MTA3: variants seen among roughly 807,000 people sequenced by gnomAD.
MTA3 encodes the protein metastasis associated 1 family member 3, also known as metastasis-associated protein MTA3.
MTA3 carries 34 observed loss-of-function variants against 83.5 expected under a neutral mutation model. The observed-to-expected ratio is 0.41, with a 90% CI of 0.31 to 0.54. The LOEUF (loss-of-function observed/expected upper bound fraction) is 0.54, where lower values mean the gene tolerates loss of function less well. Ranked by LOEUF, MTA3 falls within the 20% of genes least tolerant of loss-of-function variation. MTA3 has a pLI of 0.33. For synonymous variants in MTA3, 303 were observed against 252.7 expected, an observed-to-expected ratio of 1.20 and a Z score of -1.89; for missense variants, 761 against 726.4, an observed-to-expected ratio of 1.05 and a Z score of -0.55.
At chr2:42,600,624 C>A (rs1403550062) in intron 3 of MTA3, among the ~76,000 whole-genome samples, 1 of 152,052 alleles carries the variant, frequency 6.6e-6, no homozygotes, top group East Asian at 1.9e-4. Flanking sequence ...TCACTGCAAC[C>A]TCTGCCTCCT....
intron 2 of MTA3, among the ~76,000 whole-genome samples, chr2:42,559,703 A>G (rs1572982963): frequency 6.8e-6 from 1 of 148,134 alleles, no homozygotes; most frequent in Non-Finnish European, 1.5e-5. Flanking sequence ...ACATGGAGAA[A>G]CCCCATCTCT....
At chr2:42,606,928 G>T (rs1351528689) in intron 3 of MTA3, among the ~76,000 whole-genome samples, 4 of 149,122 alleles carry the variant, frequency 2.7e-5, no homozygotes, top group Admixed American at 2.7e-4. Flanking sequence ...AACCAGTCAG[G>T]CGTGGCGGCG....
intron 3 of MTA3, among the ~76,000 whole-genome samples, chr2:42,595,241 C>T (rs1035593857): frequency 2.0e-5 from 3 of 149,488 alleles, no homozygotes; most frequent in African/African-American, 7.4e-5. Flanking sequence ...TCCCGAGTAG[C>T]TGGGACTACA....
chr2:42,707,231 C>T (rs1573702095), intron 12 of MTA3, among the ~76,000 whole-genome samples: 1 of 151,712 alleles, frequency 6.6e-6, no homozygotes, highest in Non-Finnish European at 1.5e-5. Context: ...GGTTTGGAAA[C>T]GTGGATTTAG....
chr2:42,665,737 G>A (rs1265464475), intron 8 of MTA3, among the ~76,000 whole-genome samples: 1 of 152,190 alleles, frequency 6.6e-6, no homozygotes, highest in Non-Finnish European at 1.5e-5. Context: ...AGAGAAAGAA[G>A]TTTTTGAGTT....
rs146299136 is a variant in MTA3, at chr2:42,659,701, G to T, written c.603-62G>T. 293 of 1,263,554 alleles carry T rather than the reference G, an allele frequency of 2.3e-4. No individual in the cohort carries two copies. The African/African-American group carries it at 4.1e-3, about 18-fold the overall frequency. 78.3% of individuals were successfully genotyped at this position (1,263,554 alleles called of 1,614,324 possible). ...ACTATCCAAATGTGTTTTTTAAAAC[G>T]TTAAAAAAACAAACCAAAACAGATA... On this transcript the variant is annotated intron_variant, in intron 7 of 16. Transcript: ENST00000405094.
rs1421355110 is a variant in MTA3 at position 42,755,161 on chromosome 2, A to G, written c.*1762A>G. The G allele has an allele frequency of 2.0e-6, 2 of 985,358 alleles. No homozygotes were observed. Among genetic ancestry groups the G allele is most frequent in the African/African-American group, 3.5e-5 (2 of 57,240 alleles). The allele number at this position is 985,358 out of a possible 1,614,324, so 61.0% of individuals were successfully genotyped here. A position where few individuals can be genotyped will look rare whatever the true frequency, so the allele number is the denominator to read the frequency against. On this transcript the variant is annotated 3_prime_UTR_variant, in exon 17 of 17. Transcript: ENST00000405094. ...CATCACGTGGATGTTTCTTCCCTAA[A>G]GAAAAAGACACAGGAAAGCTGTCTG... is the stretch of plus-strand genomic sequence containing the variant.
chr2:42,605,837 AGG>A (rs1558488768), intron 3 of MTA3, among the ~76,000 whole-genome samples: 2 of 69,416 alleles, frequency 2.9e-5, no homozygotes, highest in East Asian at 9.1e-4. Flanking sequence ...GGCCGGGTGG[AGG>A]GCTGACCCCC....
At chr2:42,548,846 A>ATAAT (rs1553340715) in intron 2 of MTA3, among the ~76,000 whole-genome samples, 7 of 15,060 alleles carry the variant, frequency 4.6e-4, no homozygotes, top group Non-Finnish European at 6.1e-4. Context: ...ATATATATAT[A>ATAAT]ATATATATAT....
intron 8 of MTA3, among the ~76,000 whole-genome samples, chr2:42,675,533 T>C (rs958755565): frequency 6.6e-6 from 1 of 152,232 alleles, no homozygotes; most frequent in Non-Finnish European, 1.5e-5. Context: ...TTTACCTGTG[T>C]ATATATTCGT....
chr2:42,602,682 G>A (rs1682727269), intron 3 of MTA3, among the ~76,000 whole-genome samples: 1 of 152,150 alleles, frequency 6.6e-6, no homozygotes, highest in Admixed American at 6.6e-5. Context: ...TCTAAATGAG[G>A]GATTTTGAGC....
In MTA3 at chr2:42,756,779, A is replaced by G. The variant is rs1670267580; in HGVS notation, c.*3380A>G. 1 of 985,014 alleles carries G rather than the reference A, an allele frequency of 1.0e-6. No individual in the cohort carries two copies. The highest frequency in any genetic ancestry group is 4.7e-5 in the South Asian group (1 of 21,286). The allele number at this position is 985,014 out of a possible 1,614,324, so 61.0% of individuals were successfully genotyped here. ...CCTGTTCCTCTGCACTATGTCTCTG[A>G]TTTTCCCTGCCAGGGAAGCTAACCC... On this transcript the variant is annotated 3_prime_UTR_variant, in exon 17 of 17. Transcript: ENST00000405094.
chr2:42,681,283 T>G (rs1218991258), intron 8 of MTA3, among the ~76,000 whole-genome samples: 1 of 152,200 alleles, frequency 6.6e-6, no homozygotes, highest in Non-Finnish European at 1.5e-5. Flanking sequence ...AAGATGAATA[T>G]GTAATTTTGT....
At chr2:42,497,676 G>T (rs184931178) in intron 2 of MTA3, among the ~76,000 whole-genome samples, 213 of 152,052 alleles carry the variant, frequency 1.4e-3, no homozygotes, top group African/African-American at 4.9e-3. Context: ...CCTGGAGCCA[G>T]TTCCTTAAAC....
intron 2 of MTA3, among the ~76,000 whole-genome samples, chr2:42,534,824 G>C (rs1458480217): frequency 6.6e-6 from 1 of 152,024 alleles, no homozygotes; most frequent in Admixed American, 6.6e-5. Flanking sequence ...GGGTCTCACT[G>C]TGTTGCCTAG....
At chr2:42,698,886 G>C (rs1693615657) in intron 11 of MTA3, among the ~76,000 whole-genome samples, 1 of 152,186 alleles carries the variant, frequency 6.6e-6, no homozygotes, top group African/African-American at 2.4e-5. Flanking sequence ...CCCATCTGCA[G>C]AGTGGTTTCT....
rs969792846 is a variant in MTA3, at chr2:42,568,845, G to T, written c.28+72G>T. The T allele has an allele frequency of 3.3e-6, 4 of 1,202,844 alleles. No individual in the cohort carries two copies. In the Admixed American group the frequency reaches 1.7e-4, roughly 52 times the overall value. The allele number at this position is 1,202,844 out of a possible 1,614,324, so 74.5% of individuals were successfully genotyped here. On this transcript the variant is annotated intron_variant, in intron 1 of 16. Transcript: ENST00000405094. ...GAGCGGGGGGCCGGGGCGAGTGCACGCCAACTGCCGGGAGCCAAGGGCGCC... is the reference window on the plus strand; with the variant it reads ...GAGCGGGGGGCCGGGGCGAGTGCACTCCAACTGCCGGGAGCCAAGGGCGCC...
intron 2 of MTA3, among the ~76,000 whole-genome samples, chr2:42,577,715 G>A (rs1290157822): frequency 6.6e-6 from 1 of 152,032 alleles, no homozygotes; most frequent in Non-Finnish European, 1.5e-5. Context: ...TCCTGACCTC[G>A]TGATCTGCCC....
chr2:42,558,478 G>A (rs148330442), intron 2 of MTA3, among the ~76,000 whole-genome samples: 1,718 of 151,860 alleles, frequency 0.011, 28 homozygotes, highest in African/African-American at 0.04. Context: ...TTGAACTCCC[G>A]ACCTCAGGCC....
Sources: allele counts gnomAD v4.1 joint callset (sites outside exome capture counted in the v4.1 genomes callset), GRCh38; gene constraint gnomAD v4.1.1; transcripts MANE v1.5; gene names NCBI Gene and HGNC (gene_info 2026-07-23, HGNC 2026-07-21).